UCHL3: variants seen among roughly 807,000 people sequenced by gnomAD.
The protein encoded by UCHL3 is ubiquitin carboxyl-terminal hydrolase isozyme L3.
A neutral mutation model predicts 35.8 loss-of-function variants in UCHL3; 22 were observed. That is an observed-to-expected ratio of 0.61 (90% CI 0.44 to 0.88). The LOEUF (loss-of-function observed/expected upper bound fraction) is 0.88. UCHL3 is among the 40% of genes least tolerant of loss of function. UCHL3 has a pLI of 0.00. For missense variants in UCHL3, 229 were observed against 276.9 expected (o/e 0.83, Z 1.23); for synonymous variants, 90 against 92.8 (o/e 0.97, Z 0.17).
chr13:75,559,003 G>A (rs2031387707), intron 2 of UCHL3, among the ~76,000 whole-genome samples: 1 of 149,406 alleles, frequency 6.7e-6, no homozygotes, highest in African/African-American at 2.5e-5. Context: ...ATGTAGAGGA[G>A]CCCATTGATC....
chr13:75,594,249 A>G (rs921241326), intron 6 of UCHL3, among the ~76,000 whole-genome samples: 3 of 152,232 alleles, frequency 2.0e-5, no homozygotes, highest in Non-Finnish European at 2.9e-5. Context: ...TAAGCATCAA[A>G]GCAAGAGAAA....
chr13:75,604,539 T>C (rs2032875716), intron 7 of UCHL3: 1 of 373,396 alleles, frequency 2.7e-6, no homozygotes, highest in African/African-American at 2.1e-5. Flanking sequence ...TTGTAATAAA[T>C]TCCGTTCATG....
intron 3 of UCHL3, among the ~76,000 whole-genome samples, chr13:75,563,127 TTATGTATGTATGTATGTATG>T (rs1215333452): frequency 1.8e-5 from 1 of 56,334 alleles, no homozygotes; most frequent in Non-Finnish European, 5.6e-5. Context: ...TCATTATCCT[TTATGTATGTATGTATGTATG>T]TATGTATGTA....
At chr13:75,590,313 C>A in intron 6 of UCHL3, 1 of 887,152 alleles carries the variant, frequency 1.1e-6, no homozygotes, top group Non-Finnish European at 1.3e-6. Flanking sequence ...TTTGCCAGTG[C>A]CTCAGAACAT....
rs1445941526 is a variant in UCHL3 at position 75,598,152 on chromosome 13, A to G, written c.550+3162A>G. 2.0e-5 allele frequency among the ~76,000 whole-genome samples: 3 copies of G among 152,190 alleles called. No individual in the cohort carries two copies. The East Asian group carries it at 5.8e-4, about 29-fold the overall frequency. ...AAGCAGTTTTAGAAATTTTATTTTGAAGTAACTTAAGATGTTTGTAGAAGT... is the reference window on the plus strand; with the variant it reads ...AAGCAGTTTTAGAAATTTTATTTTGGAGTAACTTAAGATGTTTGTAGAAGT... On this transcript the variant is annotated intron_variant, in intron 7 of 8. Transcript: ENST00000377595.
At position 75,549,961 on chromosome 13, in the gene UCHL3, C is replaced by G; in HGVS notation, c.43-15C>G. On this transcript the variant is annotated splice_polypyrimidine_tract_variant and intron_variant, in intron 1 of 8. Transcript: ENST00000377595. Reference sequence around the variant, plus strand: ...GTGGTTTGTCTCTAAAGCGTGTTCTCTGTTTCGTTTTCAGGTCACCAACCA... The same window carrying G: ...GTGGTTTGTCTCTAAAGCGTGTTCTGTGTTTCGTTTTCAGGTCACCAACCA... 6.2e-7 allele frequency: 1 copy of G among 1,614,256 alleles called. No homozygotes were observed. The highest frequency in any genetic ancestry group is 8.5e-7 in the Non-Finnish European group (1 of 1,180,030).
intron 6 of UCHL3, among the ~76,000 whole-genome samples, chr13:75,588,198 T>A (rs1006331352): frequency 6.6e-6 from 1 of 152,150 alleles, no homozygotes; most frequent in Admixed American, 6.5e-5. Flanking sequence ...ACTGAATTCT[T>A]TGCCAAGAAT....
chr13:75,599,645 A>G (rs1311151996), intron 7 of UCHL3, among the ~76,000 whole-genome samples: 1 of 152,184 alleles, frequency 6.6e-6, no homozygotes, highest in Non-Finnish European at 1.5e-5. Context: ...CTATACCCAT[A>G]TATGCTGGCA....
At chr13:75,587,418 G>C (rs546645259) in intron 6 of UCHL3, among the ~76,000 whole-genome samples, 1 of 152,118 alleles carries the variant, frequency 6.6e-6, no homozygotes, top group South Asian at 2.1e-4. Flanking sequence ...AAATATGGGA[G>C]ATTAGGAGAA....
chr13:75,566,700 A>C lies in UCHL3; in HGVS notation c.189A>C (p.Glu63Asp), dbSNP rs764474703. Residue 63 changes from glutamate to aspartate, a missense_variant, in exon 4 of 9, where the codon GAA becomes GAC. Transcript: ENST00000377595. The part of the protein sequence containing the change: ...LLLFPITEKY[E>D]VFRTEEEEKI... ...TGACTTTTTTTTTTTAATAGTATGA[A>C]GTATTCAGAACAGAAGAGGAAGAAA... The C allele has an allele frequency of 2.0e-6, 3 of 1,536,274 alleles. No homozygotes were observed. The Admixed American group carries it at 6.1e-5, about 31-fold the overall frequency.
chr13:75,552,978 T>C (rs2031165935), intron 2 of UCHL3, among the ~76,000 whole-genome samples: 1 of 152,188 alleles, frequency 6.6e-6, no homozygotes. Flanking sequence ...GTGATTTTAT[T>C]GAGGAGGCAA....
At chr13:75,551,266 G>C (rs1350419493) in intron 2 of UCHL3, among the ~76,000 whole-genome samples, 1 of 151,874 alleles carries the variant, frequency 6.6e-6, no homozygotes, top group Non-Finnish European at 1.5e-5. Context: ...CCCCGTCTCT[G>C]CTAAAAATAC....
Position 75,574,134 on chromosome 13 carries a change from C to T in UCHL3, c.474+4627C>T, listed in dbSNP as rs577803048. 3.3e-5 allele frequency among the ~76,000 whole-genome samples: 5 copies of T among 151,992 alleles called. No homozygotes were observed. In the East Asian group the frequency reaches 5.8e-4, roughly 18 times the overall value. The stretch of plus-strand genomic sequence containing the variant: ...TCGGGAGGCTGAGGCAGGAGAATGG[C>T]GTGAACCTGGGAGGCGGAGCTTGCA... On this transcript the variant is annotated intron_variant, in intron 6 of 8. Transcript: ENST00000377595.
At chr13:75,590,138 A>T (rs2032441532) in intron 6 of UCHL3, 1 of 1,297,048 alleles carries the variant, frequency 7.7e-7, no homozygotes, top group African/African-American at 1.5e-5. Flanking sequence ...TTGTAAGTTT[A>T]GTCAATCTTC....
At chr13:75,567,117 C>G (rs901635277) in intron 4 of UCHL3, 110 bp from the exon 5 acceptor site, 7 of 1,025,950 alleles carry the variant, frequency 6.8e-6, no homozygotes, top group Non-Finnish European at 1.0e-5. Context: ...TTCTAACCTA[C>G]CAATGAAAGA....
upstream of UCHL3, chr13:75,549,758 G>A: frequency 6.9e-7 from 1 of 1,457,704 alleles, no homozygotes; most frequent in Non-Finnish European, 9.0e-7. Context: ...GCGCGCGTGG[G>A]CGGAAGCGGC....
chr13:75,550,167 G>T (rs997640933), intron 2 of UCHL3, among the ~76,000 whole-genome samples, 180 bp downstream of exon 2: 1 of 152,148 alleles, frequency 6.6e-6, no homozygotes, highest in African/African-American at 2.4e-5. Flanking sequence ...CTGCCACCTG[G>T]CTCCTGAAGA....
At chr13:75,588,556 C>T (rs1168283032) in intron 6 of UCHL3, among the ~76,000 whole-genome samples, 1 of 152,032 alleles carries the variant, frequency 6.6e-6, no homozygotes, top group African/African-American at 2.4e-5. Flanking sequence ...TTGACTGATT[C>T]TTATTATGAG....
At chr13:75,603,634 CATAGA>C (rs2032842446) in intron 7 of UCHL3, among the ~76,000 whole-genome samples, 1 of 151,886 alleles carries the variant, frequency 6.6e-6, no homozygotes, top group Admixed American at 6.6e-5. Context: ...GTCATATAAA[CATAGA>C]ATAGTCTATT....
Sources: gnomAD v4.1 joint callset for allele counts (sites outside exome capture counted in the v4.1 genomes callset) on GRCh38, gnomAD v4.1.1 for gene constraint, MANE v1.5 for transcripts, NCBI Gene and HGNC (gene_info 2026-07-23, HGNC 2026-07-21) for gene names.